Variants in PGRMC1 observed in about 807,000 individuals in gnomAD.
PGRMC1 encodes progesterone receptor membrane component 1.
For missense variants in PGRMC1, 145 were observed against 169.0 expected, an observed-to-expected ratio of 0.86 and a Z score of 0.79; for synonymous variants, 73 against 77.3, an observed-to-expected ratio of 0.94 and a Z score of 0.29.
rs958688995 is a variant in PGRMC1, at chrX:119,243,652, C to CT, written c.*407dup. ...GATGTTCTGTAAAGACAACAAATCCCTTTTTTTTTCTCAATTGACTTAACT... is the reference window on the plus strand; with the variant it reads ...GATGTTCTGTAAAGACAACAAATCCCTTTTTTTTTTCTCAATTGACTTAACT... On this transcript the variant is annotated 3_prime_UTR_variant, in exon 3 of 3. Coordinates refer to ENST00000217971, the MANE Select transcript of PGRMC1 (RefSeq NM_006667.5). 215 of 168,882 alleles carry CT rather than the reference C, an allele frequency of 1.3e-3. No homozygotes were observed. The highest frequency in any genetic ancestry group is 3.5e-3 in the Admixed American group (47 of 13,264). 13.9% of individuals were successfully genotyped at this position (168,882 alleles called of 1,213,427 possible).
Position 119,236,617 on chromosome X carries a change from A to G in PGRMC1, c.254A>G (p.Gln85Arg). 8.3e-7 allele frequency: 1 copy of G among 1,206,961 alleles called. No homozygotes were observed. The highest frequency in any genetic ancestry group is 3.0e-5 in the East Asian group (1 of 33,671). The part of the protein sequence containing the change: ...PAELRRFDGV[Q>R]DPRILMAING... ...GAGCTGCGGCGCTTCGACGGCGTCC[A>G]GGACCCGCGCATACTCATGGCCATC... is the stretch of plus-strand genomic sequence containing the variant. Residue 85 changes from glutamine (Q) to arginine (R), a missense_variant, in exon 1 of 3, where the codon CAG becomes CGG. Coordinates refer to ENST00000217971, the MANE Select transcript of PGRMC1 (RefSeq NM_006667.5).
At position 119,240,447 on chromosome X, in the gene PGRMC1, G is replaced by C. The variant is rs1930792474; in HGVS notation, c.467G>C (p.Trp156Ser). The C allele has an allele frequency of 8.3e-7, 1 of 1,203,240 alleles. No individual in the cohort carries two copies. The highest frequency in any genetic ancestry group is 1.1e-6 in the Non-Finnish European group (1 of 889,305). Residue 156 changes from tryptophan to serine, a missense_variant, in exon 2 of 3, where the codon TGG (tryptophan) becomes TCG (serine). Transcript: ENST00000217971. ...TAAQQETLSDWESQFTFKYHH... is the reference protein window; with the variant it reads ...TAAQQETLSDSESQFTFKYHH... ...GCCCAGCAGGAGACTCTGAGTGACT[G>C]GGAGTCTCAGTTCACTTGTAAGCAT... is the stretch of plus-strand genomic sequence containing the variant.
At chrX:119,239,214 T>A (rs1569339730) in intron 1 of PGRMC1, among the ~76,000 whole-genome samples, 1 of 112,232 alleles carries the variant, frequency 8.9e-6, no homozygotes, top group Non-Finnish European at 1.9e-5. Context: ...GGCTTTTTTT[T>A]ACCTTCTTTA....
At chrX:119,238,193 A>G (rs1930741747) in intron 1 of PGRMC1, among the ~76,000 whole-genome samples, 1 of 111,297 alleles carries the variant, frequency 9.0e-6, no homozygotes, top group African/African-American at 3.3e-5. Context: ...TTTTTCTTGC[A>G]GACATTTATT....
intron 1 of PGRMC1, among the ~76,000 whole-genome samples, chrX:119,237,926 C>T (rs1447816903): frequency 9.0e-6 from 1 of 111,466 alleles, no homozygotes; most frequent in African/African-American, 3.3e-5. Context: ...GCTTCCCAGG[C>T]GAATTTGAAA....
Position 119,236,391 on chromosome X carries a change from G to A in PGRMC1, c.28G>A (p.Gly10Ser). 8.3e-7 allele frequency: 1 copy of A among 1,211,340 alleles called. No individual in the cohort carries two copies. Reference sequence around the variant, plus strand: ...GGCTGCCGAGGATGTGGTGGCGACTGGCGCCGACCCAAGCGATCTGGAGAG... The same window carrying A: ...GGCTGCCGAGGATGTGGTGGCGACTAGCGCCGACCCAAGCGATCTGGAGAG... MAAEDVVAT[G>S]ADPSDLESGG... Residue 10 changes from glycine to serine, a missense_variant, in exon 1 of 3, where the codon GGC (glycine) becomes AGC (serine). Transcript: ENST00000217971.
At chrX:119,237,367 G>T (rs1158127180) in intron 1 of PGRMC1, among the ~76,000 whole-genome samples, 1 of 110,159 alleles carries the variant, frequency 9.1e-6, no homozygotes, top group Non-Finnish European at 1.9e-5. Flanking sequence ...GGGTGTGTGT[G>T]TGTGGTGTGT....
intron 1 of PGRMC1, among the ~76,000 whole-genome samples, chrX:119,239,154 G>A (rs756560263): frequency 5.4e-5 from 6 of 112,066 alleles, no homozygotes; most frequent in African/African-American, 1.6e-4. Flanking sequence ...CTATTCTCAA[G>A]CACTAGGTGC....
chrX:119,243,489 T>C lies in PGRMC1; in HGVS notation c.*235T>C. 2 of 392,303 alleles carry C rather than the reference T, an allele frequency of 5.1e-6. No homozygotes were observed. The highest frequency in any genetic ancestry group is 4.5e-6 in the Non-Finnish European group (1 of 222,560). 32.3% of individuals were successfully genotyped at this position (392,303 alleles called of 1,213,427 possible). On this transcript the variant is annotated 3_prime_UTR_variant, in exon 3 of 3. Coordinates refer to ENST00000217971, the MANE Select transcript of PGRMC1 (RefSeq NM_006667.5). ...AGTGCTGTAATACACATGTTAATACTGTTTTTCTTCTATCTGTAGTTAGTA... is the reference window on the plus strand; with the variant it reads ...AGTGCTGTAATACACATGTTAATACCGTTTTTCTTCTATCTGTAGTTAGTA...
intron 2 of PGRMC1, among the ~76,000 whole-genome samples, chrX:119,240,757 C>T (rs1239789727): frequency 9.0e-6 from 1 of 111,595 alleles, no homozygotes; most frequent in African/African-American, 3.3e-5. Flanking sequence ...CTTGGTGTGT[C>T]AGGGAAAGGA....
intron 1 of PGRMC1, among the ~76,000 whole-genome samples, chrX:119,238,922 C>T (rs1930757339): frequency 8.9e-6 from 1 of 112,508 alleles, no homozygotes. Context: ...GCCTATGGAG[C>T]TTACGTTCTA....
rs754289545 is a variant in PGRMC1, at chrX:119,236,634, A to T, written c.271A>T (p.Met91Leu). ...FDGVQDPRIL[M>L]AINGKVFDVT... is the part of the protein sequence containing the mutation. ...CGGCGTCCAGGACCCGCGCATACTC[A>T]TGGCCATCAACGGCAAGGTGTTCGA... is the stretch of plus-strand genomic sequence containing the variant. The change falls in exon 1 of 3, where the codon ATG (methionine) becomes TTG (leucine). Residue 91 changes from methionine (M) to leucine (L), a missense_variant. Physicochemically the swap from Met to Leu is conservative, Grantham distance 15 (BLOSUM62 2). Transcript: ENST00000217971. 216 of 1,205,608 alleles carry T rather than the reference A, an allele frequency of 1.8e-4. No homozygotes were observed. The highest frequency in any genetic ancestry group is 2.4e-4 in the Admixed American group (11 of 45,579).
intron 2 of PGRMC1, among the ~76,000 whole-genome samples, chrX:119,241,224 G>T (rs749281067): frequency 2.8e-4 from 32 of 112,465 alleles, no homozygotes; most frequent in Non-Finnish European, 5.6e-4. Context: ...CATTTAAAAT[G>T]TAGTTTTCTA....
chrX:119,240,206 A>G, intron 1 of PGRMC1, 103 bp from the exon 2 acceptor site: 2 of 761,507 alleles, frequency 2.6e-6, no homozygotes, highest in Non-Finnish European at 4.1e-6. Flanking sequence ...TTGATATTCA[A>G]AAATGGGGCT....
rs149689975 is a variant in PGRMC1 at position 119,236,516 on chromosome X, G to T, written c.153G>T (p.Pro51=). Residue 51 remains proline (P), a synonymous_variant, in exon 1 of 3, where the codon CCG becomes CCT. Coordinates refer to ENST00000217971, the MANE Select transcript of PGRMC1 (RefSeq NM_006667.5). The stretch of plus-strand genomic sequence containing the variant: ...ACAAGATCGTGCGCGGGGACCAGCC[G>T]GCGGCCAGCGGCGACAGCGACGACG... ...LLYKIVRGDQ[P]AASGDSDDDE... is the part of the protein sequence containing the mutation. 1.1e-5 allele frequency: 13 copies of T among 1,208,224 alleles called. No individual in the cohort carries two copies. The highest frequency in any genetic ancestry group is 1.5e-5 in the Non-Finnish European group (13 of 894,450).
chrX:119,237,566 AT>A (rs760280701), intron 1 of PGRMC1, among the ~76,000 whole-genome samples: 1 of 110,889 alleles, frequency 9.0e-6, no homozygotes, highest in Non-Finnish European at 1.9e-5. Flanking sequence ...TTAAGGTAAT[AT>A]GGTATTTAGT....
intron 1 of PGRMC1, among the ~76,000 whole-genome samples, chrX:119,238,175 A>G (rs1472134187): frequency 9.0e-6 from 1 of 111,226 alleles, no homozygotes; most frequent in Admixed American, 9.4e-5. Flanking sequence ...AAGGTTAAGG[A>G]GCTCAGTTTT....
At chrX:119,242,012 G>A (rs1045503311) in intron 2 of PGRMC1, among the ~76,000 whole-genome samples, 2 of 111,357 alleles carry the variant, frequency 1.8e-5, no homozygotes, top group East Asian at 5.6e-4. Context: ...TCTCTGTGCT[G>A]GGAAAAACGT....
At position 119,241,693 on chromosome X, in the gene PGRMC1, TTTTA is replaced by T. The variant is rs768158221; in HGVS notation, c.484+1233_484+1236del. Among the ~76,000 whole-genome samples the T allele has an allele frequency of 4.9e-4, 55 of 112,063 alleles. 3 individuals carry two copies. The highest frequency in any genetic ancestry group is 4.5e-3 in the East Asian group (16 of 3,567). On this transcript the variant is annotated intron_variant, in intron 2 of 2. Coordinates refer to ENST00000217971, the MANE Select transcript of PGRMC1 (RefSeq NM_006667.5). ...GCAGGTTTCCCAGGAGCCACCTGGC[TTTTA>T]TTTGTCTCACACAGTTCCAATTGTT...
Sources: allele counts gnomAD v4.1 joint callset (sites outside exome capture counted in the v4.1 genomes callset), GRCh38; gene constraint gnomAD v4.1.1; transcripts MANE v1.5; gene names NCBI Gene and HGNC (gene_info 2026-07-23, HGNC 2026-07-21).